The following LRRIQ3 variants were observed in gnomAD, a reference collection of about 807,000 sequenced individuals.
The protein encoded by LRRIQ3 is leucine-rich repeat and IQ domain-containing protein 3.
LRRIQ3 carries 75 observed loss-of-function variants against 59.3 expected under a neutral mutation model. The observed-to-expected ratio is 1.26, with a 90% CI of 1.05 to 1.53. The LOEUF (loss-of-function observed/expected upper bound fraction) is 1.53. Among genes scored for constraint, LRRIQ3 ranks in the 40% most tolerant of loss-of-function variants. The pLI is 0.00. For synonymous variants in LRRIQ3, 250 were observed against 231.3 expected, an observed-to-expected ratio of 1.08 and a Z score of -0.73; for missense variants, 831 against 710.0, an observed-to-expected ratio of 1.17 and a Z score of -1.94.
intron 7 of LRRIQ3, among the ~76,000 whole-genome samples, chr1:74,033,508 T>G (rs1478862408): frequency 6.6e-6 from 1 of 151,960 alleles, no homozygotes; most frequent in East Asian, 1.9e-4. Flanking sequence ...ATTTTAGTTA[T>G]AAATAAATAT....
chr1:74,155,921 A>G (rs1023519793), intron 3 of LRRIQ3, 55 bp from the exon 4 acceptor site: 25 of 1,001,904 alleles, frequency 2.5e-5, no homozygotes, highest in Admixed American at 3.8e-5. Context: ...GTATTTTCAA[A>G]AGATATTTTA....
At chr1:74,064,232 T>C (rs1451917439) in intron 6 of LRRIQ3, among the ~76,000 whole-genome samples, 1 of 151,946 alleles carries the variant, frequency 6.6e-6, no homozygotes, top group Non-Finnish European at 1.5e-5. Flanking sequence ...TGTTATTATC[T>C]TTTTTATTTA....
chr1:74,129,819 G>A (rs139958812), intron 4 of LRRIQ3, among the ~76,000 whole-genome samples: 1 of 151,910 alleles, frequency 6.6e-6, no homozygotes, highest in Non-Finnish European at 1.5e-5. Context: ...TTCCAGGACT[G>A]GGTCTTTCTC....
chr1:74,038,960 T>C lies in LRRIQ3; in HGVS notation c.1718+2253A>G, dbSNP rs563592988. ...TGCCTCTCCAGCAAGGGTGCAGAAC[T>C]GGACAGAGGATGAGATGGGTGGATT... On this transcript the variant is annotated intron_variant, in intron 7 of 7. Coordinates refer to ENST00000354431, the MANE Select transcript of LRRIQ3 (RefSeq NM_001105659.2). 1.1e-3 allele frequency among the ~76,000 whole-genome samples: 160 copies of C among 152,232 alleles called. 1 individual carries two copies. The highest frequency in any genetic ancestry group is 1.4e-3 in the Non-Finnish European group (97 of 68,028).
Position 74,074,677 on chromosome 1 carries a change from T to A in LRRIQ3, c.981A>T (p.Arg327Ser), listed in dbSNP as rs765262531. The A allele has an allele frequency of 1.4e-5, 19 of 1,383,808 alleles. No individual in the cohort carries two copies. Among genetic ancestry groups the A allele is most frequent in the Non-Finnish European group, 8.6e-6 (9 of 1,041,174 alleles). 85.7% of individuals were successfully genotyped at this position (1,383,808 alleles called of 1,614,324 possible). The part of the protein sequence containing the change: ...KDLGMKSKTS[R>S]HLIQKGQESE... ...ATAACTAACCTTTTTGAATGAGATGTCTTGATGTTTTTGATTTCATGCCTA... is the reference window on the plus strand; with the variant it reads ...ATAACTAACCTTTTTGAATGAGATGACTTGATGTTTTTGATTTCATGCCTA... Residue 327 changes from arginine to serine, a missense_variant, in exon 6 of 8, where the codon AGA becomes AGT. By Grantham distance (110) the Arg-to-Ser change is moderately radical (BLOSUM62 -1). Transcript: ENST00000354431.
intron 5 of LRRIQ3, among the ~76,000 whole-genome samples, chr1:74,104,646 G>GAA (rs1646583677): frequency 6.6e-6 from 1 of 152,160 alleles, no homozygotes; most frequent in East Asian, 1.9e-4. Flanking sequence ...TGGAGACAGT[G>GAA]AAAAGATCAG....
chr1:74,152,053 A>T (rs1323189013), intron 4 of LRRIQ3, among the ~76,000 whole-genome samples: 1 of 152,154 alleles, frequency 6.6e-6, no homozygotes, highest in Non-Finnish European at 1.5e-5. Flanking sequence ...CAATGGAAGC[A>T]GGCCAGAAAG....
intron 1 of LRRIQ3, among the ~76,000 whole-genome samples, chr1:74,193,363 G>C (rs761330451): frequency 5.3e-5 from 8 of 152,100 alleles, no homozygotes; most frequent in Middle Eastern, 6.8e-3. Context: ...TCCTTAGTTT[G>C]TATCAACTAA....
intron 3 of LRRIQ3, among the ~76,000 whole-genome samples, chr1:74,172,475 A>G (rs1649385084): frequency 6.6e-6 from 1 of 152,112 alleles, no homozygotes; most frequent in Admixed American, 6.5e-5. Flanking sequence ...ATCATTTTAA[A>G]TTTCTTAATA....
intron 5 of LRRIQ3, among the ~76,000 whole-genome samples, chr1:74,079,858 ATTT>A (rs1284027165): frequency 6.6e-6 from 1 of 151,706 alleles, no homozygotes; most frequent in Non-Finnish European, 1.5e-5. Flanking sequence ...TATAGCTTGT[ATTT>A]TCTACAGGAC....
intron 6 of LRRIQ3, among the ~76,000 whole-genome samples, chr1:74,047,912 C>A (rs1023779493): frequency 2.4e-4 from 37 of 152,104 alleles, no homozygotes; most frequent in South Asian, 4.2e-4. Flanking sequence ...CTGATTGAAT[C>A]AGGTTAGTGT....
At chr1:74,068,530 A>G (rs1654931892) in intron 6 of LRRIQ3, among the ~76,000 whole-genome samples, 1 of 152,118 alleles carries the variant, frequency 6.6e-6, no homozygotes, top group African/African-American at 2.4e-5. Flanking sequence ...ACCGGTGCTT[A>G]TAATTACAAA....
At chr1:74,136,035 TAA>T (rs1051451571) in intron 4 of LRRIQ3, among the ~76,000 whole-genome samples, 2 of 151,024 alleles carry the variant, frequency 1.3e-5, no homozygotes, top group East Asian at 2.0e-4. Context: ...ATTACGAAAA[TAA>T]AAAAGAGACC....
chr1:74,031,088 C>T (rs570411850), intron 7 of LRRIQ3, among the ~76,000 whole-genome samples: 10 of 152,082 alleles, frequency 6.6e-5, no homozygotes, highest in Admixed American at 1.3e-4. Context: ...GTTAGAATGG[C>T]GATCATTAAA....
chr1:74,091,882 T>C (rs1304586605), intron 5 of LRRIQ3, among the ~76,000 whole-genome samples: 8 of 152,122 alleles, frequency 5.3e-5, no homozygotes, highest in Admixed American at 1.3e-4. Context: ...CAAAGACTTA[T>C]ATTTGTTCTT....
chr1:74,084,328 G>A, intron 5 of LRRIQ3: 3 of 1,098,342 alleles, frequency 2.7e-6, no homozygotes, highest in South Asian at 3.6e-5. Context: ...CTGGAGGACA[G>A]TGAGCTCAAG....
chr1:74,146,848 C>T (rs1051203042), intron 4 of LRRIQ3, among the ~76,000 whole-genome samples: 1 of 152,066 alleles, frequency 6.6e-6, no homozygotes, highest in Admixed American at 6.5e-5. Flanking sequence ...TTGAATAACA[C>T]CAAAAAATTC....
chr1:74,122,359 T>G (rs1646871789), intron 4 of LRRIQ3, among the ~76,000 whole-genome samples: 1 of 152,144 alleles, frequency 6.6e-6, no homozygotes, highest in Non-Finnish European at 1.5e-5. Flanking sequence ...TCATGTGTCT[T>G]TTGGCTGCAT....
At chr1:74,174,424 C>T (rs1649514274) in intron 3 of LRRIQ3, among the ~76,000 whole-genome samples, 1 of 151,912 alleles carries the variant, frequency 6.6e-6, no homozygotes, top group Non-Finnish European at 1.5e-5. Context: ...CTCTTGTTGC[C>T]CAGGCTGCAC....
Sources: gnomAD v4.1 joint callset for allele counts (sites outside exome capture counted in the v4.1 genomes callset) on GRCh38, gnomAD v4.1.1 for gene constraint, MANE v1.5 for transcripts, NCBI Gene and HGNC (gene_info 2026-07-23, HGNC 2026-07-21) for gene names.